The following TIAM2 variants were observed in gnomAD, a reference collection of about 807,000 sequenced individuals.
The protein encoded by TIAM2 is TIAM Rac1 associated GEF 2.
In TIAM2, 80 loss-of-function variants were observed where a neutral mutation model predicts 152.9. The ratio of observed to expected loss-of-function variants is 0.52; its 90% CI spans 0.44 to 0.63. The LOEUF (loss-of-function observed/expected upper bound fraction) is 0.63, where lower values mean the gene tolerates loss of function less well. TIAM2 is among the 30% of genes least tolerant of loss of function. TIAM2 has a pLI of 0.00. For synonymous variants in TIAM2, 804 were observed against 838.0 expected (o/e 0.96, Z 0.70); for missense variants, 1,965 against 2,120.1 (o/e 0.93, Z 1.44).
intron 15 of TIAM2, among the ~76,000 whole-genome samples, chr6:155,215,340 G>T (rs1227590991): frequency 6.6e-6 from 1 of 152,174 alleles, no homozygotes; most frequent in African/African-American, 2.4e-5. Context: ...GGCCGTCTGA[G>T]CTTCAATTTT....
chr6:155,128,145 A>G (rs1779340214), intron 3 of TIAM2, among the ~76,000 whole-genome samples: 1 of 152,160 alleles, frequency 6.6e-6, no homozygotes. Flanking sequence ...GTAAGAGTCT[A>G]ATATTAAGTT....
At chr6:155,176,502 G>A (rs1780761221) in intron 9 of TIAM2, among the ~76,000 whole-genome samples, 1 of 152,216 alleles carries the variant, frequency 6.6e-6, no homozygotes, top group Admixed American at 6.5e-5. Flanking sequence ...CCAAAGTGCT[G>A]GGATTACAGG....
intron 24 of TIAM2, 23 bp from the exon 25 acceptor site, chr6:155,253,948 CTT>C (rs766900841): frequency 2.5e-6 from 4 of 1,597,756 alleles, no homozygotes; most frequent in Non-Finnish European, 8.6e-7. Flanking sequence ...GTTGTAGACT[CTT>C]GTTTCCATTT....
chr6:155,038,639 A>T (rs939176652), intron 1 of TIAM2, among the ~76,000 whole-genome samples: 1 of 152,220 alleles, frequency 6.6e-6, no homozygotes, highest in Admixed American at 6.5e-5. Context: ...TTTAAAAATG[A>T]AGAGTAGGCC....
chr6:155,140,064 GC>G (rs1417135600), intron 5 of TIAM2, among the ~76,000 whole-genome samples: 6 of 152,244 alleles, frequency 3.9e-5, no homozygotes, highest in Non-Finnish European at 7.3e-5. Flanking sequence ...ATTTCAAAGA[GC>G]AAATGTGATC....
chr6:155,164,566 T>C lies in TIAM2; in HGVS notation c.2180T>C (p.Leu727Pro), dbSNP rs776952986. ...CCCTCCAAGCTGGCCCTCGGCAGGC[T>C]GGGCATCTTGTCTGTTTCCTCTTTC... is the stretch of plus-strand genomic sequence containing the variant. ...SRPSKLALGRLGILSVSSFHA... is the reference protein window; with the variant it reads ...SRPSKLALGRPGILSVSSFHA... The change falls in exon 8 of 27, where the codon CTG becomes CCG. Residue 727 changes from leucine (L) to proline (P), a missense_variant. Physicochemically the swap from Leu to Pro is moderately conservative, Grantham distance 98. This residue lies in a region of TIAM2 where 1,025 missense variants were observed against 1,119.4 expected (regional missense o/e 0.92). Transcript: ENST00000682666. 6 of 1,613,756 alleles carry C rather than the reference T, an allele frequency of 3.7e-6. No individual in the cohort carries two copies. The highest frequency in any genetic ancestry group is 3.3e-5 in the Admixed American group (2 of 59,982).
chr6:155,230,088 C>G, intron 15 of TIAM2, among the ~76,000 whole-genome samples: 1 of 152,144 alleles, frequency 6.6e-6, no homozygotes, highest in Admixed American at 6.5e-5. Context: ...ACCGAGAGTA[C>G]AAATCCACCA....
chr6:155,129,447 C>T lies in TIAM2; in HGVS notation c.224C>T (p.Ala75Val), dbSNP rs1198783127. 5.6e-6 allele frequency: 9 copies of T among 1,614,156 alleles called. No individual in the cohort carries two copies. Among genetic ancestry groups the T allele is most frequent in the Non-Finnish European group, 7.6e-6 (9 of 1,180,026 alleles). The change falls in exon 4 of 27, where the codon GCA becomes GTA. Residue 75 changes from alanine to valine, a missense_variant. Physicochemically the swap from Ala to Val is moderately conservative, Grantham distance 64. Around this residue, in one of 3 missense-constraint regions of TIAM2, gnomAD observed 1,025 missense variants for 1,119.4 expected, o/e 0.92. Coordinates refer to ENST00000682666, the MANE Select transcript of TIAM2 (RefSeq NM_012454.4). The surrounding 1 kb of genome is among the most constrained non-coding windows in gnomAD (Gnocchi z 4.8). ...LSHFKSNQPYASRLGGPTCKV... is the reference protein window; with the variant it reads ...LSHFKSNQPYVSRLGGPTCKV... ...CACTTTAAGAGTAACCAGCCTTACG[C>T]ATCGAGACTCGGTGGCCCCACATGC... is the stretch of plus-strand genomic sequence containing the variant.
intron 14 of TIAM2, among the ~76,000 whole-genome samples, chr6:155,200,045 AT>A (rs1781441564): frequency 6.6e-6 from 1 of 152,184 alleles, no homozygotes; most frequent in Non-Finnish European, 1.5e-5. Context: ...AAATGTCTGG[AT>A]TTTAACTGCT....
intron 1 of TIAM2, among the ~76,000 whole-genome samples, chr6:155,020,050 TG>T (rs1351150211): frequency 6.6e-6 from 1 of 150,408 alleles, no homozygotes; most frequent in Non-Finnish European, 1.5e-5. Flanking sequence ...ATACTCCGTC[TG>T]CAAAAAAAAA....
chr6:155,195,779 A>G (rs1781328639), intron 14 of TIAM2, among the ~76,000 whole-genome samples: 1 of 152,154 alleles, frequency 6.6e-6, no homozygotes, highest in African/African-American at 2.4e-5. Flanking sequence ...GAGGTCAGGG[A>G]TGGGGCCACG....
chr6:155,210,058 GA>G (rs761279531), intron 14 of TIAM2, among the ~76,000 whole-genome samples: 41 of 152,250 alleles, frequency 2.7e-4, no homozygotes, highest in Admixed American at 2.0e-3. Context: ...TAGTTGAGGG[GA>G]CATTCTATCA....
At chr6:155,117,052 T>A (rs9397781) in intron 2 of TIAM2, among the ~76,000 whole-genome samples, 62,614 of 145,668 alleles carry the variant, frequency 0.43, 15,090 homozygotes, top group East Asian at 0.66. Context: ...TTGATATATT[T>A]AAAAAAAAAA....
At chr6:155,096,270 C>T (rs959063457) in intron 2 of TIAM2, among the ~76,000 whole-genome samples, 2 of 152,102 alleles carry the variant, frequency 1.3e-5, no homozygotes, top group Non-Finnish European at 2.9e-5. Flanking sequence ...AATGGTAATT[C>T]AGCACGTTCA....
At chr6:155,179,208 A>G (rs1420282005) in intron 11 of TIAM2, 65 bp downstream of exon 11, 3 of 1,523,140 alleles carry the variant, frequency 2.0e-6, no homozygotes, top group Admixed American at 1.8e-5. Context: ...ATTTTGAAAA[A>G]TGTCATTTTT....
chr6:155,214,736 A>G lies in TIAM2; in HGVS notation c.3168+3429A>G, dbSNP rs1781811155. Among the ~76,000 whole-genome samples the G allele has an allele frequency of 6.6e-6, 1 of 152,206 alleles. No individual in the cohort carries two copies. The highest frequency in any genetic ancestry group is 6.5e-5 in the Admixed American group (1 of 15,270). ...ATATCTAATGTTCATTAGCTTTTTA[A>G]TGAAGCAGTGGATCCTAGAGCATCA... is the stretch of plus-strand genomic sequence containing the variant. On this transcript the variant is annotated intron_variant, in intron 15 of 26. Coordinates refer to ENST00000682666, the MANE Select transcript of TIAM2 (RefSeq NM_012454.4). The surrounding 1 kb of genome is among the most constrained non-coding windows in gnomAD (Gnocchi z 5.4).
intron 1 of TIAM2, among the ~76,000 whole-genome samples, chr6:155,008,466 A>T (rs1778433820): frequency 6.6e-6 from 1 of 152,168 alleles, no homozygotes; most frequent in Non-Finnish European, 1.5e-5. Flanking sequence ...TTTCCTACTC[A>T]TTTCCAGGTC....
chr6:155,060,978 G>A (rs567770612), intron 1 of TIAM2, among the ~76,000 whole-genome samples: 1 of 150,012 alleles, frequency 6.7e-6, no homozygotes, highest in African/African-American at 2.5e-5. Context: ...GGTACTACAG[G>A]TACCTGGTTC....
Position 155,073,615 on chromosome 6 carries a change from C to T in TIAM2, c.-208-16674C>T, listed in dbSNP as rs534972370. Among the ~76,000 whole-genome samples, 3 of 152,064 alleles carry T rather than the reference C, an allele frequency of 2.0e-5. No individual in the cohort carries two copies. In the South Asian group the frequency reaches 6.2e-4, roughly 32 times the overall value. ...AGTGGCTTTGGGTGCCTAACCTGGA[C>T]TTACAGAGCAAGAAAGTGAGGCTCC... On this transcript the variant is annotated intron_variant, in intron 1 of 26. Transcript: ENST00000682666.
Sources: gnomAD v4.1 joint callset for allele counts (sites outside exome capture counted in the v4.1 genomes callset) on GRCh38, gnomAD v4.1.1 for gene constraint, gnomAD v4.1.1 regional missense constraint, Gnocchi (gnomAD v3.1) non-coding constraint, MANE v1.5 for transcripts, NCBI Gene and HGNC (gene_info 2026-07-23, HGNC 2026-07-21) for gene names.